The following ASTN2 variants were observed in gnomAD, a reference collection of about 807,000 sequenced individuals.
ASTN2 encodes the protein astrotactin-2.
A neutral mutation model predicts 139.8 loss-of-function variants in ASTN2; 54 were observed. That is an observed-to-expected ratio of 0.39 (90% CI 0.31 to 0.48). ASTN2 has a LOEUF of 0.48. Among genes scored for constraint, ASTN2 ranks in the 20% least tolerant of loss-of-function variants. The pLI is 0.95. For missense variants in ASTN2, 1,565 were observed against 1,725.1 expected (o/e 0.91, Z 1.64); for synonymous variants, 756 against 719.5 (o/e 1.05, Z -0.81).
intron 13 of ASTN2, among the ~76,000 whole-genome samples, chr9:116,796,596 G>A (rs1830695464): frequency 6.6e-6 from 1 of 152,164 alleles, no homozygotes; most frequent in Non-Finnish European, 1.5e-5. Context: ...GGAAATGGCA[G>A]AGCAGTATCA....
intron 20 of ASTN2, among the ~76,000 whole-genome samples, chr9:116,482,191 T>C (rs1307648936): frequency 1.3e-5 from 2 of 152,070 alleles, no homozygotes; most frequent in African/African-American, 4.8e-5. Flanking sequence ...CCGGGCGTGG[T>C]GGCAGGCGCC....
At chr9:116,564,350 T>C (rs12347183) in intron 19 of ASTN2, among the ~76,000 whole-genome samples, 41,249 of 152,066 alleles carry the variant, frequency 0.27, 6,505 homozygotes, top group Admixed American at 0.41. Context: ...ATGGCAACCC[T>C]TGGGGCTGGA....
At chr9:117,166,098 T>C (rs908991871) in intron 3 of ASTN2, among the ~76,000 whole-genome samples, 1 of 152,130 alleles carries the variant, frequency 6.6e-6, no homozygotes, top group African/African-American at 2.4e-5. Context: ...ACTGGTTTTA[T>C]GGTACACAGA....
intron 2 of ASTN2, among the ~76,000 whole-genome samples, chr9:117,257,297 T>C (rs530551942): frequency 1.6e-4 from 25 of 152,296 alleles, no homozygotes; most frequent in Admixed American, 5.2e-4. Flanking sequence ...GAAAGCTAGC[T>C]TAAAGGATCC....
At chr9:116,820,984 G>A (rs1009275657) in intron 11 of ASTN2, among the ~76,000 whole-genome samples, 3 of 152,118 alleles carry the variant, frequency 2.0e-5, no homozygotes, top group African/African-American at 7.2e-5. Context: ...CTGTAAAATG[G>A]GACTTTTGTG....
At chr9:117,012,727 G>C (rs1331632575) in intron 6 of ASTN2, among the ~76,000 whole-genome samples, 1 of 152,202 alleles carries the variant, frequency 6.6e-6, no homozygotes, top group East Asian at 1.9e-4. Context: ...GTTCCCTCCA[G>C]AGTAAGTGGG....
chr9:116,958,748 C>T (rs1203403522), intron 10 of ASTN2, among the ~76,000 whole-genome samples: 1 of 151,954 alleles, frequency 6.6e-6, no homozygotes, highest in Non-Finnish European at 1.5e-5. Context: ...GTCCCAGAGA[C>T]ATGCAAACAT....
chr9:117,006,559 T>A (rs1837359473), intron 7 of ASTN2, among the ~76,000 whole-genome samples: 1 of 152,082 alleles, frequency 6.6e-6, no homozygotes, highest in Non-Finnish European at 1.5e-5. Context: ...TAGATTAGAG[T>A]AATAGGGCCT....
chr9:116,868,187 G>A (rs747031828), intron 10 of ASTN2, among the ~76,000 whole-genome samples: 2 of 152,196 alleles, frequency 1.3e-5, no homozygotes, highest in Non-Finnish European at 2.9e-5. Context: ...CCTGCTATGT[G>A]TTAAGCATGG....
intron 2 of ASTN2, among the ~76,000 whole-genome samples, chr9:117,262,608 G>T (rs530391638): frequency 7.9e-5 from 12 of 151,980 alleles, no homozygotes; most frequent in African/African-American, 2.9e-4. Flanking sequence ...AACTTTTTAG[G>T]GTTTGTATTA....
At chr9:116,612,159 T>G (rs773748956) in intron 19 of ASTN2, 2 of 152,050 alleles carry the variant, frequency 1.3e-5, no homozygotes, top group Admixed American at 6.6e-5. Flanking sequence ...AGAAGATACC[T>G]TCTTCGAGCT....
At chr9:117,256,112 G>C (rs184485779) in intron 2 of ASTN2, among the ~76,000 whole-genome samples, 9 of 152,300 alleles carry the variant, frequency 5.9e-5, no homozygotes, top group African/African-American at 2.2e-4. Context: ...TGGCAGGGCA[G>C]AGATGACTGT....
intron 19 of ASTN2, among the ~76,000 whole-genome samples, chr9:116,493,239 G>A (rs1463047916): frequency 2.6e-5 from 4 of 152,108 alleles, no homozygotes; most frequent in African/African-American, 4.8e-5. Flanking sequence ...CCTCTGCTCC[G>A]TCCTCCCTGG....
At chr9:117,060,552 AAAAG>A (rs769614608) in intron 5 of ASTN2, among the ~76,000 whole-genome samples, 10 of 132,080 alleles carry the variant, frequency 7.6e-5, no homozygotes, top group African/African-American at 2.3e-4. Flanking sequence ...GAAAGAAAGA[AAAAG>A]AAAGAAAGAG....
Position 116,729,054 on chromosome 9 carries a change from T to C in ASTN2, c.2564A>G (p.Gln855Arg). The C allele has an allele frequency of 6.3e-7, 1 of 1,599,298 alleles. No homozygotes were observed. The highest frequency in any genetic ancestry group is 8.5e-7 in the Non-Finnish European group (1 of 1,172,440). The change falls in exon 15 of 23, where the codon CAG (glutamine) becomes CGG (arginine). Residue 855 changes from glutamine (Q) to arginine (R), a missense_variant. Gln to Arg is a conservative substitution (Grantham distance 43, BLOSUM62 1). This residue lies in a region of ASTN2 where 503 missense variants were observed against 591.7 expected (regional missense o/e 0.85). Transcript: ENST00000313400. ...GAGGTTGCTCCGGACCCGCCACTGC[T>C]GCACCATGGGGTAACCCATGGCCTC... Reference protein sequence around the residue: ...YDEAMGYPMVQQWRVRSNLYR... With the variant: ...YDEAMGYPMVRQWRVRSNLYR...
At chr9:116,841,465 T>C (rs1003511752) in intron 11 of ASTN2, among the ~76,000 whole-genome samples, 17 of 152,244 alleles carry the variant, frequency 1.1e-4, no homozygotes, top group African/African-American at 4.1e-4. Flanking sequence ...GGTCTTGAAC[T>C]CCTGACCTCC....
At chr9:116,990,547 G>A (rs564061258) in intron 7 of ASTN2, among the ~76,000 whole-genome samples, 6 of 152,160 alleles carry the variant, frequency 3.9e-5, no homozygotes, top group Admixed American at 1.3e-4. Flanking sequence ...TTTGGATAAC[G>A]TGCATAAGCC....
In ASTN2 at chr9:116,425,664, C is replaced by A. The variant is rs1432756580; in HGVS notation, c.*187G>T. On this transcript the variant is annotated 3_prime_UTR_variant, in exon 23 of 23. Coordinates refer to ENST00000313400, the MANE Select transcript of ASTN2 (RefSeq NM_001365068.1). Reference sequence around the variant, plus strand: ...AAAAGATAGAGAAAAATGAATAATTCCATTGGTTACAAAGGTCTCTGTCCA... The same window carrying A: ...AAAAGATAGAGAAAAATGAATAATTACATTGGTTACAAAGGTCTCTGTCCA... The A allele has an allele frequency of 6.2e-7, 1 of 1,609,582 alleles. No homozygotes were observed. Among genetic ancestry groups the A allele is most frequent in the Admixed American group, 1.7e-5 (1 of 59,282 alleles).
At chr9:116,913,840 G>A (rs572077181) in intron 10 of ASTN2, among the ~76,000 whole-genome samples, 1 of 151,840 alleles carries the variant, frequency 6.6e-6, no homozygotes, top group South Asian at 2.1e-4. Flanking sequence ...CATGGACCAA[G>A]TTCCTTTCTG....
Sources: gnomAD v4.1 joint callset for allele counts (sites outside exome capture counted in the v4.1 genomes callset) on GRCh38, gnomAD v4.1.1 for gene constraint, gnomAD v4.1.1 regional missense constraint, MANE v1.5 for transcripts, NCBI Gene and HGNC (gene_info 2026-07-23, HGNC 2026-07-21) for gene names.